The following TOM1L2 variants were observed in gnomAD, a reference collection of about 807,000 sequenced individuals.
The protein encoded by TOM1L2 is TOM1-like protein 2.
A neutral mutation model predicts 67.9 loss-of-function variants in TOM1L2; 31 were observed. The ratio of observed to expected loss-of-function variants is 0.46; its 90% CI spans 0.34 to 0.62. The LOEUF is 0.62. TOM1L2 is among the 20% of genes least tolerant of loss of function. The pLI is 0.01. For missense variants in TOM1L2, 606 were observed against 663.5 expected, an observed-to-expected ratio of 0.91 and a Z score of 0.95; for synonymous variants, 256 against 254.0, an observed-to-expected ratio of 1.01 and a Z score of -0.07.
chr17:17,939,150 T>C (rs926024993), intron 1 of TOM1L2, among the ~76,000 whole-genome samples: 1 of 152,232 alleles, frequency 6.6e-6, no homozygotes, highest in Non-Finnish European at 1.5e-5. Context: ...AATTAAACCT[T>C]TGCAAAGAGA....
chr17:17,883,821 C>T (rs182853768), intron 5 of TOM1L2, among the ~76,000 whole-genome samples: 49 of 152,274 alleles, frequency 3.2e-4, no homozygotes, highest in African/African-American at 1.0e-3. Context: ...CGTGTTCCTA[C>T]GAGAGATGTG....
intron 13 of TOM1L2, among the ~76,000 whole-genome samples, chr17:17,850,215 CCCT>C (rs2035882242): frequency 1.3e-5 from 2 of 152,276 alleles, no homozygotes; most frequent in South Asian, 4.2e-4. Flanking sequence ...CACCCTGGCC[CCCT>C]ACTGGGCTGC....
rs1325704392 is a variant in TOM1L2, at chr17:17,846,622, G to A, written c.*1013C>T. ...GCCAGGGAGCAGAGCAGGGGCCTTAGTGCTGCCCAGGCCTCTCAGTCACTG... is the reference window on the plus strand; with the variant it reads ...GCCAGGGAGCAGAGCAGGGGCCTTAATGCTGCCCAGGCCTCTCAGTCACTG... On this transcript the variant is annotated 3_prime_UTR_variant, in exon 15 of 15. Coordinates refer to ENST00000379504, the MANE Select transcript of TOM1L2 (RefSeq NM_001082968.2). 1.3e-5 allele frequency: 2 copies of A among 152,446 alleles called. No homozygotes were observed. Among genetic ancestry groups the A allele is most frequent in the Non-Finnish European group, 2.9e-5 (2 of 68,174 alleles). The allele number at this position is 152,446 out of a possible 1,614,324, so 9.4% of individuals were successfully genotyped here.
chr17:17,884,702 T>C lies in TOM1L2; in HGVS notation c.433A>G (p.Lys145Glu), dbSNP rs931615840. ...ATGGGAAATTCAACCCCTTTCCTCT[T>C]CAGCTCCTCATATATGTGCACAACG... ...TGVVHIYEEL[K>E]RKGVEFPMAD... is the part of the protein sequence containing the mutation. Residue 145 changes from lysine (K) to glutamate (E), a missense_variant, in exon 5 of 15, where the codon AAG becomes GAG. By Grantham distance (56) the Lys-to-Glu change is moderately conservative (BLOSUM62 1). Coordinates refer to ENST00000379504, the MANE Select transcript of TOM1L2 (RefSeq NM_001082968.2). The C allele has an allele frequency of 1.2e-6, 2 of 1,614,010 alleles. No homozygotes were observed. The highest frequency in any genetic ancestry group is 1.7e-6 in the Non-Finnish European group (2 of 1,180,018).
At chr17:17,866,830 G>T (rs1290354271) in intron 9 of TOM1L2, 46 bp downstream of exon 9, 4 of 1,569,304 alleles carry the variant, frequency 2.5e-6, no homozygotes, top group African/African-American at 1.4e-5. Flanking sequence ...ACGTGGAGGG[G>T]TAGGTCTGGC....
intron 1 of TOM1L2, among the ~76,000 whole-genome samples, chr17:17,956,243 C>T (rs777359917): frequency 4.4e-4 from 67 of 152,270 alleles, no homozygotes; most frequent in Non-Finnish European, 5.0e-4. Context: ...CTGATTGGTG[C>T]GTTTACAATC....
intron 6 of TOM1L2, among the ~76,000 whole-genome samples, chr17:17,880,777 G>T (rs927325771): frequency 6.6e-6 from 1 of 152,152 alleles, no homozygotes; most frequent in Admixed American, 6.5e-5. Context: ...CCCATGCGGC[G>T]CCTGGCATGC....
chr17:17,878,480 G>A (rs563386963), intron 7 of TOM1L2, among the ~76,000 whole-genome samples: 5 of 152,258 alleles, frequency 3.3e-5, no homozygotes, highest in Admixed American at 1.3e-4. Context: ...GCCTGGAACA[G>A]GTCTCCACCC....
Position 17,904,995 on chromosome 17 carries a change from C to CCTCCACCCCTGGGGTGGTTTA in TOM1L2, c.137+2451_137+2452insTAAACCACCCCAGGGGTGGAG, listed in dbSNP as rs1162301556. Among the ~76,000 whole-genome samples the CCTCCACCCCTGGGGTGGTTTA allele has an allele frequency of 1.0e-3, 152 of 152,334 alleles. 1 individual carries two copies. Among genetic ancestry groups the CCTCCACCCCTGGGGTGGTTTA allele is most frequent in the African/African-American group, 3.4e-3 (142 of 41,568 alleles). Reference sequence around the variant, plus strand: ...ACCTTGGCATCCCGTAGCTGCTATACCTCCACCCCTGGGGGTCAGTAAACA... The same window carrying CCTCCACCCCTGGGGTGGTTTA: ...ACCTTGGCATCCCGTAGCTGCTATACCTCCACCCCTGGGGTGGTTTACTCCACCCCTGGGGGTCAGTAAACA... On this transcript the variant is annotated intron_variant, in intron 2 of 14. Transcript: ENST00000379504.
At chr17:17,921,021 T>C (rs1340292868) in intron 1 of TOM1L2, among the ~76,000 whole-genome samples, 3 of 152,226 alleles carry the variant, frequency 2.0e-5, no homozygotes, top group Non-Finnish European at 2.9e-5. Context: ...CCAGATGTTA[T>C]TTGGATTTCT....
At chr17:17,933,860 A>C (rs113061594) in intron 1 of TOM1L2, among the ~76,000 whole-genome samples, 32 of 152,304 alleles carry the variant, frequency 2.1e-4, no homozygotes, top group African/African-American at 7.5e-4. Flanking sequence ...TCCATCCTTC[A>C]AAAGATGATG....
At chr17:17,872,870 A>G (rs2037222246) in intron 7 of TOM1L2, among the ~76,000 whole-genome samples, 1 of 152,220 alleles carries the variant, frequency 6.6e-6, no homozygotes, top group African/African-American at 2.4e-5. Context: ...AGGGAGAAGG[A>G]AAAAAGTCAA....
intron 1 of TOM1L2, among the ~76,000 whole-genome samples, chr17:17,916,753 T>C (rs916373399): frequency 1.3e-5 from 2 of 152,232 alleles, no homozygotes; most frequent in Admixed American, 6.5e-5. Context: ...CCAGGCGCAG[T>C]GGCTCACGCC....
chr17:17,964,968 A>G (rs796179760), intron 1 of TOM1L2, among the ~76,000 whole-genome samples: 6 of 152,232 alleles, frequency 3.9e-5, no homozygotes, highest in African/African-American at 1.4e-4. Context: ...TTAAGGACAA[A>G]TGCTCTAGAC....
chr17:17,923,395 C>G (rs900308285), intron 1 of TOM1L2, among the ~76,000 whole-genome samples: 6 of 152,020 alleles, frequency 3.9e-5, no homozygotes, highest in Non-Finnish European at 8.8e-5. Flanking sequence ...GAGTGAAACT[C>G]CATCTCAAAC....
intron 2 of TOM1L2, among the ~76,000 whole-genome samples, chr17:17,900,238 T>A (rs888914406): frequency 6.7e-6 from 1 of 148,686 alleles, no homozygotes; most frequent in Non-Finnish European, 1.5e-5. Context: ...AGAGAAAGTG[T>A]GTCCAGCATT....
At chr17:17,926,180 A>AG (rs1425343633) in intron 1 of TOM1L2, among the ~76,000 whole-genome samples, 1 of 151,554 alleles carries the variant, frequency 6.6e-6, no homozygotes, top group Non-Finnish European at 1.5e-5. Context: ...CTTGGAGAAA[A>AG]AAAAAAAAAA....
At chr17:17,965,784 A>C (rs906721437) in intron 1 of TOM1L2, among the ~76,000 whole-genome samples, 2 of 152,214 alleles carry the variant, frequency 1.3e-5, no homozygotes, top group African/African-American at 4.8e-5. Flanking sequence ...TGCCCACTTC[A>C]GTCTCTGGCA....
chr17:17,881,603 T>C (rs542536197), intron 6 of TOM1L2, among the ~76,000 whole-genome samples: 1 of 152,310 alleles, frequency 6.6e-6, no homozygotes, highest in East Asian at 1.9e-4. Context: ...GTAGCCACAA[T>C]GAGGACCTCT....
Sources: allele counts gnomAD v4.1 joint callset (sites outside exome capture counted in the v4.1 genomes callset), GRCh38; gene constraint gnomAD v4.1.1; transcripts MANE v1.5; gene names NCBI Gene and HGNC (gene_info 2026-07-23, HGNC 2026-07-21).